Variants in CDH2 observed in about 807,000 individuals in gnomAD.
The protein encoded by CDH2 is cadherin-2.
A neutral mutation model predicts 92.0 loss-of-function variants in CDH2; 17 were observed. The ratio of observed to expected loss-of-function variants is 0.18; its 90% CI spans 0.13 to 0.28. The LOEUF (loss-of-function observed/expected upper bound fraction) is 0.28. CDH2 is among the 10% of genes least tolerant of loss of function. The pLI is 1.00. For missense variants in CDH2, 862 were observed against 1,133.1 expected (o/e 0.76, Z 3.44); for synonymous variants, 419 against 415.9 (o/e 1.01, Z -0.09).
chr18:27,950,411 T>C (rs1530380), downstream of CDH2, among the ~76,000 whole-genome samples: 40,992 of 151,980 alleles, frequency 0.27, 5,826 homozygotes, highest in Middle Eastern at 0.32. Context: ...TGTTTCCTTT[T>C]GTTGCCCTCT....
intron 6 of CDH2, among the ~76,000 whole-genome samples, chr18:27,938,396 T>C (rs1231234187): frequency 6.6e-6 from 1 of 152,216 alleles, no homozygotes; most frequent in Non-Finnish European, 1.5e-5. Context: ...AATTTGAATA[T>C]ATTATCCATA....
intron 1 of CDH2, among the ~76,000 whole-genome samples, chr18:28,154,353 A>G (rs1359607805): frequency 1.3e-5 from 2 of 152,134 alleles, no homozygotes; most frequent in Non-Finnish European, 2.9e-5. Context: ...CCAGCGTGAA[A>G]TTCACGCTGG....
At chr18:27,971,021 A>T (rs746749972) in intron 14 of CDH2, among the ~76,000 whole-genome samples, 1 of 152,186 alleles carries the variant, frequency 6.6e-6, no homozygotes, top group Non-Finnish European at 1.5e-5. Context: ...ATGGATCACG[A>T]GGTCAGGAGT....
intron 2 of CDH2, among the ~76,000 whole-genome samples, chr18:28,022,277 G>A (rs1028886456): frequency 6.6e-6 from 1 of 151,938 alleles, no homozygotes; most frequent in Non-Finnish European, 1.5e-5. Context: ...TTACAGACAG[G>A]TTGAGAATGT....
chr18:27,994,220 T>C (rs2143981469), intron 7 of CDH2, among the ~76,000 whole-genome samples: 1 of 152,330 alleles, frequency 6.6e-6, no homozygotes, highest in East Asian at 1.9e-4. Context: ...AAGTCAAAAC[T>C]TGAAGGGTTT....
intron 1 of CDH2, among the ~76,000 whole-genome samples, chr18:28,161,579 C>CA (rs2016306775): frequency 3.0e-5 from 3 of 99,140 alleles, no homozygotes; most frequent in East Asian, 5.6e-4. Context: ...AACCCTGTCT[C>CA]GAAAAAAAAA....
intron 2 of CDH2, among the ~76,000 whole-genome samples, chr18:28,087,254 T>G (rs988707078): frequency 6.6e-6 from 1 of 152,168 alleles, no homozygotes; most frequent in Non-Finnish European, 1.5e-5. Context: ...GGGCTGTGCA[T>G]CTGTGTGAAG....
intron 1 of CDH2, among the ~76,000 whole-genome samples, chr18:28,148,066 G>A (rs1021166364): frequency 6.6e-6 from 1 of 152,146 alleles, no homozygotes; most frequent in Non-Finnish European, 1.5e-5. Flanking sequence ...TGCTCATTGT[G>A]ACTGAAGAAC....
At chr18:28,140,895 G>GAT (rs145033713) in intron 2 of CDH2, among the ~76,000 whole-genome samples, 76,390 of 144,750 alleles carry the variant, frequency 0.53, 19,959 homozygotes, top group Middle Eastern at 0.61. Flanking sequence ...CTCCAAACAA[G>GAT]ATATATATAT....
chr18:28,146,010 G>C (rs2016029142), intron 2 of CDH2, among the ~76,000 whole-genome samples: 2 of 151,946 alleles, frequency 1.3e-5, no homozygotes, highest in African/African-American at 4.8e-5. Context: ...ATCCTAAAAA[G>C]ACACTGGCAA....
chr18:27,945,864 T>A (rs1399753053), intron 6 of CDH2, among the ~76,000 whole-genome samples: 1 of 152,170 alleles, frequency 6.6e-6, no homozygotes, highest in African/African-American at 2.4e-5. Flanking sequence ...AAATGAAAGT[T>A]TTAGGACATA....
intron 2 of CDH2, among the ~76,000 whole-genome samples, chr18:28,029,226 A>G (rs965932600): frequency 2.6e-4 from 40 of 152,144 alleles, no homozygotes; most frequent in African/African-American, 9.6e-4. Context: ...AACAAGCACA[A>G]GTAGTATATG....
chr18:27,978,402 C>T (rs1040180443), intron 14 of CDH2, among the ~76,000 whole-genome samples: 16 of 152,046 alleles, frequency 1.1e-4, no homozygotes, highest in Non-Finnish European at 2.2e-4. Flanking sequence ...CCCACAAAGC[C>T]GCACACACAT....
In CDH2 at chr18:28,156,616, A is replaced by ACAGCATGTCACCTTCCCAGGTG. The variant is rs1430893482; in HGVS notation, c.61-8854_61-8833dup. ...GGTACAGCATGTCACCTTCCCAGGTACAGCATGTCACCTTCCCAGGTGCAG... is the reference window on the plus strand; with the variant it reads ...GGTACAGCATGTCACCTTCCCAGGTACAGCATGTCACCTTCCCAGGTGCAGCATGTCACCTTCCCAGGTGCAG... On this transcript the variant is annotated intron_variant, in intron 1 of 15. Coordinates refer to ENST00000269141, the MANE Select transcript of CDH2 (RefSeq NM_001792.5). Among the ~76,000 whole-genome samples, 15 of 97,706 alleles carry ACAGCATGTCACCTTCCCAGGTG rather than the reference A, an allele frequency of 1.5e-4. 2 individuals carry two copies. The East Asian group carries it at 4.0e-3, about 26-fold the overall frequency. 64.1% of individuals were successfully genotyped at this position (97,706 alleles called of 152,430 possible).
At chr18:27,965,991 A>AAT in intron 14 of CDH2, among the ~76,000 whole-genome samples, 1 of 46,250 alleles carries the variant, frequency 2.2e-5, no homozygotes, top group Non-Finnish European at 5.7e-5. Context: ...GTCTAAAAGG[A>AAT]AAAAAAAAAA....
chr18:27,984,268 C>G (rs2012153410), intron 13 of CDH2, among the ~76,000 whole-genome samples: 1 of 152,202 alleles, frequency 6.6e-6, no homozygotes, highest in African/African-American at 2.4e-5. Flanking sequence ...GCACAATAAA[C>G]TAAGTCCTGC....
chr18:28,025,211 T>C (rs1160007441), intron 2 of CDH2, among the ~76,000 whole-genome samples: 1 of 152,094 alleles, frequency 6.6e-6, no homozygotes, highest in Non-Finnish European at 1.5e-5. Flanking sequence ...ACAAGTCTTA[T>C]TCAGAAAAAT....
intron 2 of CDH2, among the ~76,000 whole-genome samples, chr18:28,120,610 A>G (rs540412459): frequency 6.6e-6 from 1 of 152,206 alleles, no homozygotes; most frequent in African/African-American, 2.4e-5. Flanking sequence ...AGATATGTCA[A>G]ACCTATAATA....
chr18:28,058,325 CAGAG>C (rs911969828), intron 2 of CDH2, among the ~76,000 whole-genome samples: 1 of 152,118 alleles, frequency 6.6e-6, no homozygotes, highest in African/African-American at 2.4e-5. Flanking sequence ...CAAGACATGA[CAGAG>C]AGAGACAGAG....
Sources: allele counts gnomAD v4.1 joint callset (sites outside exome capture counted in the v4.1 genomes callset), GRCh38; gene constraint gnomAD v4.1.1; transcripts MANE v1.5; gene names NCBI Gene and HGNC (gene_info 2026-07-23, HGNC 2026-07-21).